MYO19: variants seen among roughly 807,000 people sequenced by gnomAD.
MYO19 encodes the protein myosin XIX.
Under a neutral mutation model 129.2 loss-of-function variants are expected in MYO19, and 132 were observed. The ratio of observed to expected loss-of-function variants is 1.02; its 90% CI spans 0.89 to 1.18. The LOEUF (loss-of-function observed/expected upper bound fraction) is 1.18. Among genes scored for constraint, MYO19 ranks in the 50% most tolerant of loss-of-function variants. The pLI, the probability that MYO19 is intolerant of heterozygous loss-of-function variation, is 0.00. For synonymous variants in MYO19, 531 were observed against 477.2 expected (o/e 1.11, Z -1.47); for missense variants, 1,210 against 1,216.7 (o/e 0.99, Z 0.08).
intron 25 of MYO19, among the ~76,000 whole-genome samples, chr17:36,497,208 A>G (rs536498108): frequency 3.0e-4 from 45 of 152,040 alleles, no homozygotes; most frequent in African/African-American, 1.1e-3. Context: ...ATGGTGGCAC[A>G]TGCCCTGTAG....
intron 2 of MYO19, among the ~76,000 whole-genome samples, chr17:36,539,940 A>G (rs567709405): frequency 3.9e-5 from 6 of 151,990 alleles, no homozygotes; most frequent in African/African-American, 1.4e-4. Flanking sequence ...GGAGTTATAA[A>G]GTCTTATGTG....
At chr17:36,532,957 G>A (rs1284512839) in intron 2 of MYO19, among the ~76,000 whole-genome samples, 1 of 152,196 alleles carries the variant, frequency 6.6e-6, no homozygotes, top group Non-Finnish European at 1.5e-5. Flanking sequence ...GGAGGAGTAA[G>A]ACACTGGGGA....
chr17:36,520,697 T>C (rs1260457047), intron 6 of MYO19, among the ~76,000 whole-genome samples: 1 of 152,230 alleles, frequency 6.6e-6, no homozygotes, highest in African/African-American at 2.4e-5. Context: ...GTAGTAAATA[T>C]ATTTCTTCCT....
At chr17:36,502,996 A>T (rs763761464) in intron 21 of MYO19, 101 bp downstream of exon 21, 5 of 960,076 alleles carry the variant, frequency 5.2e-6, no homozygotes, top group Non-Finnish European at 8.2e-6. Context: ...GCTGTGTTTT[A>T]TTCACCAGTA....
chr17:36,532,794 C>T (rs2073902889), intron 2 of MYO19, 113 bp from the exon 3 acceptor site: 1 of 584,160 alleles, frequency 1.7e-6, no homozygotes, highest in African/African-American at 1.9e-5. Flanking sequence ...CAAGGCAGGC[C>T]TGGGCGGAGA....
intron 2 of MYO19, among the ~76,000 whole-genome samples, chr17:36,541,623 G>T (rs943309645): frequency 1.3e-5 from 2 of 152,208 alleles, no homozygotes. Flanking sequence ...CCAGCAAAAT[G>T]TGTTCTGCTG....
Position 36,505,278 on chromosome 17 carries a change from T to C in MYO19, c.1905+19A>G. ...AGATGGGGTTTGGTGCGAAGCAGCT[T>C]TGGCCCGGTGTTAATTACCTCCTCT... is the stretch of plus-strand genomic sequence containing the variant. On this transcript the variant is annotated intron_variant, in intron 19 of 25. Coordinates refer to ENST00000614623, the MANE Select transcript of MYO19 (RefSeq NM_001163735.2). 1 of 1,608,342 alleles carries C rather than the reference T, an allele frequency of 6.2e-7. No individual in the cohort carries two copies. Among genetic ancestry groups the C allele is most frequent in the African/African-American group, 1.3e-5 (1 of 74,950 alleles).
At chr17:36,536,553 TCTCA>T (rs1259521798), upstream of MYO19, among the ~76,000 whole-genome samples, 1 of 133,366 alleles carries the variant, frequency 7.5e-6, no homozygotes, top group African/African-American at 2.8e-5. Flanking sequence ...TGAGATGGAG[TCTCA>T]CTCTGTGGCC....
chr17:36,508,696 G>C lies in MYO19; in HGVS notation c.1231+366C>G, dbSNP rs143081009. ...TCCTCCCACTTTGGCCTCCCAAAAT[G>C]TTGGGATTACAGGTGTGAGCCACGG... On this transcript the variant is annotated intron_variant, in intron 14 of 25. Coordinates refer to ENST00000614623, the MANE Select transcript of MYO19 (RefSeq NM_001163735.2). 1.4e-3 allele frequency: 300 copies of C among 216,888 alleles called. 1 individual carries two copies. The highest frequency in any genetic ancestry group is 6.5e-3 in the African/African-American group (284 of 43,990). The allele number at this position is 216,888 out of a possible 1,614,324, so 13.4% of individuals were successfully genotyped here. A position where few individuals can be genotyped will look rare whatever the true frequency, so the allele number is the denominator to read the frequency against.
chr17:36,514,550 T>A lies in MYO19; in HGVS notation c.618-2A>T. ...GCGGCTCCAGTCATTTGCTGAGCCC[T>A]GGGACACACACAGGCCAGAGCCCGT... On this transcript the variant is annotated splice_acceptor_variant, in intron 8 of 25. Coordinates refer to ENST00000614623, the MANE Select transcript of MYO19 (RefSeq NM_001163735.2). LOFTEE classifies it high-confidence loss of function. 4 of 1,600,736 alleles carry A rather than the reference T, an allele frequency of 2.5e-6. No individual in the cohort carries two copies. The highest frequency in any genetic ancestry group is 3.4e-6 in the Non-Finnish European group (4 of 1,167,858).
chr17:36,540,645 T>C (rs567723327), intron 2 of MYO19, among the ~76,000 whole-genome samples: 28 of 152,090 alleles, frequency 1.8e-4, no homozygotes, highest in African/African-American at 6.5e-4. Flanking sequence ...TGCTGGGATA[T>C]AGGCATGAGC....
chr17:36,503,068 C>T (rs2071640657), intron 21 of MYO19, 29 bp downstream of exon 21: 2 of 1,582,810 alleles, frequency 1.3e-6, no homozygotes, highest in Non-Finnish European at 1.7e-6. Flanking sequence ...TGTGGTTGCA[C>T]AAATGACTAA....
Position 36,495,921 on chromosome 17 carries a change from C to T in MYO19, c.*330G>A, listed in dbSNP as rs1444030790. 3 of 1,144,346 alleles carry T rather than the reference C, an allele frequency of 2.6e-6. No individual in the cohort carries two copies. The highest frequency in any genetic ancestry group is 3.2e-5 in the African/African-American group (2 of 62,554). 70.9% of individuals were successfully genotyped at this position (1,144,346 alleles called of 1,614,324 possible). On this transcript the variant is annotated 3_prime_UTR_variant, in exon 26 of 26. Coordinates refer to ENST00000614623, the MANE Select transcript of MYO19 (RefSeq NM_001163735.2). The stretch of plus-strand genomic sequence containing the variant: ...CTTTGGCTGTTTTCTTCCAAAAGTG[C>T]TTATGTGGAATTGGGATCCCCAGTG...
chr17:36,499,660 G>GTTTTTTTTTT (rs2071341311), intron 23 of MYO19: 3 of 54,472 alleles, frequency 5.5e-5, no homozygotes, highest in African/African-American at 2.3e-4. Flanking sequence ...TTTTCTTTTT[G>GTTTTTTTTTT]TTTCTTTTTT....
At chr17:36,536,651 A>G (rs2074137154), upstream of MYO19, among the ~76,000 whole-genome samples, 1 of 148,884 alleles carries the variant, frequency 6.7e-6, no homozygotes, top group Non-Finnish European at 1.5e-5. Flanking sequence ...AGTAGCTGGG[A>G]TTACAGGCGG....
rs1006660889 is a variant in MYO19, at chr17:36,510,957, T to A, written c.986-40A>T. The stretch of plus-strand genomic sequence containing the variant: ...TCCTCTTTAGGCAAATCACTCTCCA[T>A]CCAGTCCTCTTCACGAGGCACTGTG... On this transcript the variant is annotated intron_variant, in intron 12 of 25. Transcript: ENST00000614623. 11 of 1,534,364 alleles carry A rather than the reference T, an allele frequency of 7.2e-6. No individual in the cohort carries two copies. The African/African-American group carries it at 1.5e-4, about 21-fold the overall frequency.
At chr17:36,539,447 A>G (rs1483999070), upstream of MYO19, 2 of 160,062 alleles carry the variant, frequency 1.2e-5, no homozygotes, top group Non-Finnish European at 2.9e-5. Context: ...AAATACTTAT[A>G]TACTATGAAG....
At position 36,500,845 on chromosome 17, in the gene MYO19, T is replaced by A; in HGVS notation, c.2362A>T (p.Met788Leu). 1 of 1,598,042 alleles carries A rather than the reference T, an allele frequency of 6.3e-7. No homozygotes were observed. Reference protein sequence around the residue: ...REQERQWRAVMLIQAAIRSWL... With the variant: ...REQERQWRAVLLIQAAIRSWL... ...GCCCACCTACCTGCCTGGATGAGCATGACGGCCCGCCACTGCCGCTCCTGC... is the reference window on the plus strand; with the variant it reads ...GCCCACCTACCTGCCTGGATGAGCAAGACGGCCCGCCACTGCCGCTCCTGC... Residue 788 changes from methionine (M) to leucine (L), a missense_variant, in exon 23 of 26, where the codon ATG becomes TTG. Coordinates refer to ENST00000614623, the MANE Select transcript of MYO19 (RefSeq NM_001163735.2).
chr17:36,504,000 G>C lies in MYO19; in HGVS notation c.1926C>G (p.Ala642=). 1 of 1,582,220 alleles carries C rather than the reference G, an allele frequency of 6.3e-7. No homozygotes were observed. Among genetic ancestry groups the C allele is most frequent in the Non-Finnish European group, 8.6e-7 (1 of 1,166,278 alleles). ...LQEEVLSQLE[A]CGLVETIHIS... The stretch of plus-strand genomic sequence containing the variant: ...TATGGATGGTCTCCACGAGGCCACA[G>C]GCCTCCAGCTGGCTCAGGACCTGCA... Residue 642 remains alanine, a synonymous_variant, in exon 20 of 26, where the codon GCC becomes GCG. Transcript: ENST00000614623.
Sources: allele counts gnomAD v4.1 joint callset (sites outside exome capture counted in the v4.1 genomes callset), GRCh38; gene constraint gnomAD v4.1.1; transcripts MANE v1.5; gene names NCBI Gene and HGNC (gene_info 2026-07-23, HGNC 2026-07-21).